The following DENND5A variants were observed in gnomAD, a reference collection of about 807,000 sequenced individuals.
DENND5A encodes DENN domain containing 5A.
In DENND5A, 64 loss-of-function variants were observed where a neutral mutation model predicts 140.3. The ratio of observed to expected loss-of-function variants is 0.46; its 90% CI spans 0.37 to 0.56. The LOEUF (loss-of-function observed/expected upper bound fraction) is 0.56. Among genes scored for constraint, DENND5A ranks in the 20% least tolerant of loss-of-function variants. DENND5A has a pLI of 0.00. For synonymous variants in DENND5A, 605 were observed against 607.7 expected (o/e 1.00, Z 0.07); for missense variants, 1,292 against 1,593.8 (o/e 0.81, Z 3.22).
intron 1 of DENND5A, chr11:9,242,799 G>C (rs1851291072): frequency 6.6e-6 from 1 of 152,254 alleles, no homozygotes; most frequent in Non-Finnish European, 1.5e-5. Flanking sequence ...TAGCATAAAA[G>C]GGGGTCGAGG....
intron 4 of DENND5A, among the ~76,000 whole-genome samples, chr11:9,200,284 C>T (rs1351456777): frequency 2.6e-5 from 4 of 152,154 alleles, no homozygotes; most frequent in African/African-American, 9.7e-5. Context: ...GAAGTTCCTC[C>T]CTATTCAACT....
intron 1 of DENND5A, among the ~76,000 whole-genome samples, chr11:9,210,191 G>T (rs1302310500): frequency 6.6e-6 from 1 of 151,870 alleles, no homozygotes; most frequent in South Asian, 2.1e-4. Context: ...GTGTATCACA[G>T]GTACCTTAAA....
chr11:9,141,495 A>T (rs1370109742), intron 22 of DENND5A, among the ~76,000 whole-genome samples: 1 of 151,944 alleles, frequency 6.6e-6, no homozygotes, highest in Non-Finnish European at 1.5e-5. Context: ...TGTTGCTCCT[A>T]AGCTACAAAT....
At chr11:9,142,978 A>T in intron 20 of DENND5A, 133 bp from the exon 21 acceptor site, 1 of 1,164,114 alleles carries the variant, frequency 8.6e-7, no homozygotes, top group East Asian at 2.5e-5. Flanking sequence ...TGTTTCCCTA[A>T]CACCTGGCAC....
chr11:9,159,312 CTTTT>C (rs1301045310), intron 12 of DENND5A, among the ~76,000 whole-genome samples: 1 of 145,934 alleles, frequency 6.9e-6, no homozygotes, highest in South Asian at 2.2e-4. Context: ...CTGCTATGAA[CTTTT>C]TTTTCTTTTT....
intron 8 of DENND5A, among the ~76,000 whole-genome samples, chr11:9,173,530 TGTTG>T: frequency 6.6e-6 from 1 of 152,336 alleles, no homozygotes; most frequent in South Asian, 2.1e-4. Context: ...TTCTTTTTGT[TGTTG>T]TTTAGAGACA....
intron 1 of DENND5A, among the ~76,000 whole-genome samples, chr11:9,213,129 G>A (rs763450168): frequency 3.6e-4 from 55 of 150,920 alleles, no homozygotes; most frequent in South Asian, 4.2e-4. Flanking sequence ...TCGGCCTCCC[G>A]AGTAGCTGGG....
At chr11:9,207,213 GA>G (rs1362730045) in intron 2 of DENND5A, 1 of 471,252 alleles carries the variant, frequency 2.1e-6, no homozygotes, top group Non-Finnish European at 3.9e-6. Context: ...TGATCTCTGG[GA>G]AAAATACAAA....
intron 1 of DENND5A, among the ~76,000 whole-genome samples, chr11:9,236,915 C>A (rs1293123208): frequency 6.6e-6 from 1 of 152,024 alleles, no homozygotes; most frequent in Non-Finnish European, 1.5e-5. Flanking sequence ...TCCTGACAAC[C>A]TGTTTTTAAT....
chr11:9,170,496 T>C (rs973391137), intron 9 of DENND5A, 131 bp downstream of exon 9: 2 of 1,181,002 alleles, frequency 1.7e-6, no homozygotes, highest in South Asian at 1.5e-5. Flanking sequence ...ACCACCTAGA[T>C]AGTCTGGGTC....
chr11:9,204,409 C>G (rs929301724), intron 3 of DENND5A, 92 bp from the exon 4 acceptor site: 19 of 1,255,188 alleles, frequency 1.5e-5, no homozygotes, highest in Admixed American at 1.4e-4. Context: ...TATAGAGCAC[C>G]TACTAAGCTG....
chr11:9,199,121 T>A (rs1849439581), intron 4 of DENND5A, among the ~76,000 whole-genome samples: 1 of 151,760 alleles, frequency 6.6e-6, no homozygotes. Flanking sequence ...TTTTTAGGAT[T>A]CTGTGACTTA....
rs1217980881 is a variant in DENND5A, at chr11:9,150,153, A to T, written c.2663T>A (p.Val888Glu). Reference sequence around the variant, plus strand: ...TAACTTTTTTTCCATGGACAGTCGCACCCATGCTCTGGCCTTTCCCACATC... The same window carrying T: ...TAACTTTTTTTCCATGGACAGTCGCTCCCATGCTCTGGCCTTTCCCACATC... ...KTDVGKARAW[V>E]RLSMEKKLLS... Residue 888 changes from valine (V) to glutamate (E), a missense_variant, in exon 15 of 23, where the codon GTG becomes GAG. Val to Glu is a moderately radical substitution (Grantham distance 121). Around this residue, in one of 4 missense-constraint regions of DENND5A, gnomAD observed 498 missense variants for 689.7 expected, o/e 0.72. Coordinates refer to ENST00000328194, the MANE Select transcript of DENND5A (RefSeq NM_015213.4). The T allele has an allele frequency of 6.2e-7, 1 of 1,613,950 alleles. No homozygotes were observed. Among genetic ancestry groups the T allele is most frequent in the Non-Finnish European group, 8.5e-7 (1 of 1,179,902 alleles).
At chr11:9,214,164 G>C (rs1849995641) in intron 1 of DENND5A, among the ~76,000 whole-genome samples, 1 of 152,254 alleles carries the variant, frequency 6.6e-6, no homozygotes, top group South Asian at 2.1e-4. Context: ...TTGTGAAATA[G>C]ACTGCCCAAT....
intron 8 of DENND5A, among the ~76,000 whole-genome samples, chr11:9,174,115 A>AAAG (rs1848470331): frequency 6.9e-6 from 1 of 145,826 alleles, no homozygotes; most frequent in Non-Finnish European, 1.5e-5. Flanking sequence ...AAAAAAAAAA[A>AAAG]AAAAAAAAAA....
intron 1 of DENND5A, among the ~76,000 whole-genome samples, chr11:9,248,558 G>A (rs1851577968): frequency 2.0e-5 from 3 of 152,062 alleles, no homozygotes; most frequent in African/African-American, 7.2e-5. Flanking sequence ...CAGAGGCTGA[G>A]TAGGAGGATG....
intron 5 of DENND5A, among the ~76,000 whole-genome samples, chr11:9,187,949 G>A (rs1184268347): frequency 6.6e-6 from 1 of 152,174 alleles, no homozygotes; most frequent in Non-Finnish European, 1.5e-5. Context: ...CTGTCCCTCT[G>A]GAGAAAGTCC....
In DENND5A at chr11:9,152,472, T is replaced by C. The variant is rs764042990; in HGVS notation, c.2437-30A>G. ...AACCAATGCAAGGGAGAAACACCTA[T>C]CAGTTTAGATTTCAGGGGTCAAGGC... On this transcript the variant is annotated intron_variant, in intron 12 of 22. Transcript: ENST00000328194. The C allele has an allele frequency of 4.0e-6, 6 of 1,503,128 alleles. No homozygotes were observed. The African/African-American group carries it at 5.5e-5, about 14-fold the overall frequency. The allele number at this position is 1,503,128 out of a possible 1,614,324, so 93.1% of individuals were successfully genotyped here. A position where few individuals can be genotyped will look rare whatever the true frequency, so the allele number is the denominator to read the frequency against.
chr11:9,236,455 C>A (rs1018358265), intron 1 of DENND5A, among the ~76,000 whole-genome samples: 3 of 151,950 alleles, frequency 2.0e-5, no homozygotes, highest in African/African-American at 7.2e-5. Flanking sequence ...TTGCTCAAAC[C>A]CAGGAGGCAG....
Sources: gnomAD v4.1 joint callset for allele counts (sites outside exome capture counted in the v4.1 genomes callset) on GRCh38, gnomAD v4.1.1 for gene constraint, gnomAD v4.1.1 regional missense constraint, MANE v1.5 for transcripts, NCBI Gene and HGNC (gene_info 2026-07-23, HGNC 2026-07-21) for gene names.